Variants in IL4I1 observed in about 807,000 individuals in gnomAD.
The protein encoded by IL4I1 is interleukin 4 induced 1.
In IL4I1, 24 loss-of-function variants were observed where a neutral mutation model predicts 29.7. The ratio of observed to expected loss-of-function variants is 0.81; its 90% confidence interval spans 0.59 to 1.14. IL4I1 has a LOEUF of 1.14. Ranked by LOEUF, IL4I1 falls within the 50% of genes most tolerant of loss-of-function variation. The probability of loss-of-function intolerance (pLI) is 0.00; values close to 1 mark genes in which losing one functional copy is unlikely to be tolerated. For synonymous variants in IL4I1, 371 were observed against 352.5 expected, an observed-to-expected ratio of 1.05 and a Z score of -0.59; for missense variants, 686 against 785.6, an observed-to-expected ratio of 0.87 and a Z score of 1.52.
At chr19:49,916,493 G>A (rs1159528154) in intron 2 of IL4I1, among the ~76,000 whole-genome samples, 2 of 151,590 alleles carry the variant, frequency 1.3e-5, no homozygotes, top group East Asian at 1.9e-4. Flanking sequence ...CAAAAATTAG[G>A]CCAGGCGCGG....
At position 49,891,454 on chromosome 19, in the gene IL4I1, G is replaced by T; in HGVS notation, c.587C>A (p.Ala196Glu). 6.2e-7 allele frequency: 1 copy of T among 1,614,168 alleles called. No individual in the cohort carries two copies. The highest frequency in any genetic ancestry group is 8.5e-7 in the Non-Finnish European group (1 of 1,180,016). The change falls in exon 6 of 8, where the codon GCA (alanine) becomes GAA (glutamate). Residue 196 changes from alanine (A) to glutamate (E), a missense_variant. Ala to Glu is a moderately radical substitution (Grantham distance 107, BLOSUM62 -1). Transcript: ENST00000391826. ...CTTCATCGCCTTTCTGCAGCCCAGT[G>T]CCTTGAGGTCTTTGAGGGCCTGTTG... ...ALNQALKDLK[A>E]LGCRKAMKKF...
chr19:49,900,705 G>GGGAGGGGCAGGT (rs1322876981), upstream of IL4I1, among the ~76,000 whole-genome samples: 542 of 152,298 alleles, frequency 3.6e-3, 5 homozygotes, highest in African/African-American at 0.013. Flanking sequence ...CAGGAGGGAG[G>GGGAGGGGCAGGT]GGAGGGGCAG....
upstream of IL4I1, among the ~76,000 whole-genome samples, chr19:49,897,917 T>TG (rs1247452923): frequency 3.2e-3 from 475 of 150,236 alleles, 7 homozygotes; most frequent in East Asian, 3.5e-3. Flanking sequence ...CGGGAGGGGC[T>TG]GGGGGGTGAA....
At chr19:49,922,189 T>G (rs1377159463) in intron 2 of IL4I1, among the ~76,000 whole-genome samples, 1 of 152,234 alleles carries the variant, frequency 6.6e-6, no homozygotes, top group African/African-American at 2.4e-5. Context: ...AGTCATGGGC[T>G]TGCCCCTGAC....
Position 49,921,446 on chromosome 19 carries a change from C to T in IL4I1, c.-228+6248G>A, listed in dbSNP as rs1183162982. ...CCATCTCCATGACCTTCCAGACCAG[C>T]CTGGGCTTCACTCTCAAATCCAATT... On this transcript the variant is annotated intron_variant, in intron 2 of 9. Transcript: ENST00000341114. The surrounding 1 kb of genome is among the most constrained non-coding windows in gnomAD (Gnocchi z 5.4). Among the ~76,000 whole-genome samples, 4 of 152,176 alleles carry T rather than the reference C, an allele frequency of 2.6e-5. No homozygotes were observed. Among genetic ancestry groups the T allele is most frequent in the African/African-American group, 9.7e-5 (4 of 41,436 alleles).
intron 2 of IL4I1, among the ~76,000 whole-genome samples, chr19:49,914,699 G>C (rs1315684519): frequency 8.4e-6 from 1 of 118,604 alleles, no homozygotes; most frequent in Non-Finnish European, 1.7e-5. Flanking sequence ...ACCTCCATCT[G>C]TGATTCTTGT....
At chr19:49,915,931 C>T (rs1040581187) in intron 2 of IL4I1, among the ~76,000 whole-genome samples, 1 of 152,218 alleles carries the variant, frequency 6.6e-6, no homozygotes, top group Non-Finnish European at 1.5e-5. Context: ...GGGATGGTGT[C>T]GGCTCCACTG....
At chr19:49,912,934 T>A (rs528162549) in intron 2 of IL4I1, 2 of 152,302 alleles carry the variant, frequency 1.3e-5, no homozygotes, top group East Asian at 3.9e-4. Context: ...CAGATCCACT[T>A]GACAAATGAG....
chr19:49,908,159 A>G, intron 2 of IL4I1: 1 of 1,562,224 alleles, frequency 6.4e-7, no homozygotes, highest in Non-Finnish European at 8.6e-7. Context: ...GTATCTTGCC[A>G]CAACCCCAAA....
chr19:49,909,056 G>A, intron 2 of IL4I1: 1 of 1,612,986 alleles, frequency 6.2e-7, no homozygotes, highest in Non-Finnish European at 8.5e-7. Context: ...CTGTGTCCCA[G>A]CAGTGGGGGC....
chr19:49,908,246 A>G (rs1379855773), intron 2 of IL4I1: 2 of 1,613,230 alleles, frequency 1.2e-6, no homozygotes, highest in Non-Finnish European at 1.7e-6. Flanking sequence ...CGCTCAGTCA[A>G]AGGTGATCCG....
At chr19:49,895,281 C>T (rs2075192427) in intron 3 of IL4I1, 101 bp from the exon 4 acceptor site, 3 of 882,336 alleles carry the variant, frequency 3.4e-6, no homozygotes, top group Non-Finnish European at 5.4e-6. Flanking sequence ...CTTCCATCCC[C>T]ACAGTGGCCC....
intron 2 of IL4I1, among the ~76,000 whole-genome samples, chr19:49,916,152 G>A (rs931149113): frequency 6.6e-6 from 1 of 152,190 alleles, no homozygotes; most frequent in Admixed American, 6.5e-5. Flanking sequence ...ACCCATGATG[G>A]GAAACCAGAG....
chr19:49,907,633 A>T, intron 2 of IL4I1: 1 of 388,332 alleles, frequency 2.6e-6, no homozygotes. Flanking sequence ...CCTGGGTTCA[A>T]GTGATTCTCC....
At chr19:49,913,895 G>T (rs996143729) in intron 2 of IL4I1, among the ~76,000 whole-genome samples, 2 of 152,200 alleles carry the variant, frequency 1.3e-5, no homozygotes, top group Admixed American at 6.5e-5. Flanking sequence ...GGGTGTGGGG[G>T]ATGAACCGTA....
chr19:49,899,218 G>A (rs2075248869), upstream of IL4I1, among the ~76,000 whole-genome samples: 1 of 152,246 alleles, frequency 6.6e-6, no homozygotes, highest in East Asian at 1.9e-4. Context: ...GAAAGGTGTG[G>A]AGGCCCACAG....
intron 2 of IL4I1, chr19:49,908,744 G>C: frequency 6.2e-7 from 1 of 1,613,422 alleles, no homozygotes; most frequent in Non-Finnish European, 8.5e-7. Context: ...GACCTGGGTG[G>C]CCTGCTGGAG....
chr19:49,906,586 T>C (rs1011717620), intron 2 of IL4I1, among the ~76,000 whole-genome samples: 1 of 152,224 alleles, frequency 6.6e-6, no homozygotes, highest in Non-Finnish European at 1.5e-5. Flanking sequence ...TTCACTCGTG[T>C]GTTCCTCTTC....
At chr19:49,909,255 G>C in intron 2 of IL4I1, 3 of 1,614,108 alleles carry the variant, frequency 1.9e-6, no homozygotes, top group Non-Finnish European at 2.5e-6. Flanking sequence ...AACGTGGCAG[G>C]TGCCGTGGGC....
Sources: allele counts gnomAD v4.1 joint callset (sites outside exome capture counted in the v4.1 genomes callset), GRCh38; gene constraint gnomAD v4.1.1; non-coding constraint Gnocchi (gnomAD v3.1); transcripts MANE v1.5; gene names NCBI Gene and HGNC (gene_info 2026-07-23, HGNC 2026-07-21).